The following MACROD2 variants were observed in gnomAD, a reference collection of about 807,000 sequenced individuals.
MACROD2 encodes ADP-ribose glycohydrolase MACROD2.
A neutral mutation model predicts 70.4 loss-of-function variants in MACROD2; 36 were observed. The observed-to-expected ratio is 0.51, with a 90% CI of 0.39 to 0.68. The LOEUF (loss-of-function observed/expected upper bound fraction) is 0.68. MACROD2 is among the 30% of genes least tolerant of loss of function. The probability of loss-of-function intolerance (pLI) is 0.00; values close to 1 mark genes in which losing one functional copy is unlikely to be tolerated. For missense variants in MACROD2, 496 were observed against 538.4 expected, an observed-to-expected ratio of 0.92 and a Z score of 0.78; for synonymous variants, 172 against 178.8, an observed-to-expected ratio of 0.96 and a Z score of 0.30.
At chr20:15,765,974 T>A (rs1189420534) in intron 8 of MACROD2, among the ~76,000 whole-genome samples, 1 of 152,190 alleles carries the variant, frequency 6.6e-6, no homozygotes, top group African/African-American at 2.4e-5. Context: ...AAGAGAGAGA[T>A]AAACTAACTC....
chr20:15,682,225 G>A (rs183620629), intron 8 of MACROD2, among the ~76,000 whole-genome samples: 9 of 152,252 alleles, frequency 5.9e-5, no homozygotes, highest in Admixed American at 3.9e-4. Flanking sequence ...AAAGAGAAAC[G>A]TAAAAGTAGG....
chr20:14,912,918 G>T (rs1259650397), intron 5 of MACROD2, among the ~76,000 whole-genome samples: 1 of 152,160 alleles, frequency 6.6e-6, no homozygotes, highest in Non-Finnish European at 1.5e-5. Flanking sequence ...ATACTCCAGA[G>T]TTTTAGATGG....
At chr20:14,459,027 C>G (rs765738322) in intron 3 of MACROD2, among the ~76,000 whole-genome samples, 74 of 151,876 alleles carry the variant, frequency 4.9e-4, no homozygotes, top group Non-Finnish European at 9.7e-4. Flanking sequence ...ATTATATATA[C>G]CTTTAATCCC....
chr20:15,773,860 A>C (rs941898525), intron 8 of MACROD2, among the ~76,000 whole-genome samples: 1 of 152,134 alleles, frequency 6.6e-6, no homozygotes, highest in African/African-American at 2.4e-5. Flanking sequence ...AAAATAAGGA[A>C]GAAGAAGATG....
At chr20:14,399,298 G>A (rs1384537409) in intron 3 of MACROD2, among the ~76,000 whole-genome samples, 2 of 152,018 alleles carry the variant, frequency 1.3e-5, no homozygotes, top group East Asian at 1.9e-4. Flanking sequence ...CACCGTGCCT[G>A]GCCTGAATGA....
chr20:14,402,942 C>T (rs1028301492), intron 3 of MACROD2, among the ~76,000 whole-genome samples: 1 of 152,040 alleles, frequency 6.6e-6, no homozygotes, highest in African/African-American at 2.4e-5. Flanking sequence ...GTAATAGACT[C>T]AAAGGAATGT....
chr20:15,598,250 T>C (rs558093024), intron 8 of MACROD2, among the ~76,000 whole-genome samples: 1 of 152,338 alleles, frequency 6.6e-6, no homozygotes. Flanking sequence ...TTTTGTGAAA[T>C]ACTGTATCTA....
rs2074497288 is a variant in MACROD2 at position 14,954,014 on chromosome 20, T to C, written c.418+269055T>C. On this transcript the variant is annotated intron_variant, in intron 5 of 17. Coordinates refer to ENST00000684519, the MANE Select transcript of MACROD2 (RefSeq NM_001351661.2). Reference sequence around the variant, plus strand: ...ATTGTTAACCCATTTGGTTTCTAAGTCTTAGGAGATATGCAAATGCTGAAG... The same window carrying C: ...ATTGTTAACCCATTTGGTTTCTAAGCCTTAGGAGATATGCAAATGCTGAAG... Among the ~76,000 whole-genome samples the C allele has an allele frequency of 3.9e-5, 6 of 152,242 alleles. No homozygotes were observed. The South Asian group carries it at 1.2e-3, about 32-fold the overall frequency.
intron 4 of MACROD2, among the ~76,000 whole-genome samples, chr20:14,620,606 G>C (rs1201287779): frequency 6.6e-6 from 1 of 152,076 alleles, no homozygotes; most frequent in Non-Finnish European, 1.5e-5. Context: ...TGGTTCACTT[G>C]ATTAGTGGTA....
At chr20:14,572,800 ACTGGGC>A (rs1980286609) in intron 4 of MACROD2, among the ~76,000 whole-genome samples, 1 of 151,860 alleles carries the variant, frequency 6.6e-6, no homozygotes, top group East Asian at 1.9e-4. Flanking sequence ...ATGAAAATTC[ACTGGGC>A]TGTGTACTTA....
intron 3 of MACROD2, among the ~76,000 whole-genome samples, chr20:14,381,411 GA>G (rs2083419378): frequency 6.6e-6 from 1 of 151,996 alleles, no homozygotes; most frequent in African/African-American, 2.4e-5. Context: ...GATATATCAA[GA>G]AAAAAATTTC....
intron 5 of MACROD2, among the ~76,000 whole-genome samples, chr20:14,923,524 G>A (rs2423849): frequency 0.51 from 77,810 of 151,634 alleles, 20,368 homozygotes; most frequent in South Asian, 0.71. Context: ...CTATTCTTCC[G>A]CAGTTCAAGC....
At chr20:14,737,830 T>C (rs574671291) in intron 5 of MACROD2, among the ~76,000 whole-genome samples, 4 of 152,372 alleles carry the variant, frequency 2.6e-5, no homozygotes, top group Admixed American at 1.3e-4. Flanking sequence ...TTTTAGTTCC[T>C]TGTAGATTCT....
chr20:15,303,897 C>T (rs1442262584), intron 6 of MACROD2, among the ~76,000 whole-genome samples: 1 of 152,124 alleles, frequency 6.6e-6, no homozygotes, highest in Non-Finnish European at 1.5e-5. Flanking sequence ...TTTTCAGAGC[C>T]TCTCACTCTG....
At chr20:14,954,565 ATATAAATG>A (rs973404568) in intron 5 of MACROD2, among the ~76,000 whole-genome samples, 5 of 138,242 alleles carry the variant, frequency 3.6e-5, no homozygotes, top group African/African-American at 1.1e-4. Context: ...AATTATAAAT[ATATAAATG>A]TATAAATTAT....
At chr20:14,978,906 T>TTATATAATATATAAAATA in intron 5 of MACROD2, among the ~76,000 whole-genome samples, 1 of 5,768 alleles carries the variant, frequency 1.7e-4, no homozygotes, top group East Asian at 0.024. Flanking sequence ...ATATAATATA[T>TTATATAATATATAAAATA]TATATATAAT....
At chr20:15,089,325 G>C (rs2075775921) in intron 5 of MACROD2, among the ~76,000 whole-genome samples, 1 of 152,052 alleles carries the variant, frequency 6.6e-6, no homozygotes, top group African/African-American at 2.4e-5. Flanking sequence ...ATGGGAGAAA[G>C]GGTGTCTTTA....
chr20:14,589,456 A>G (rs1981613927), intron 4 of MACROD2, among the ~76,000 whole-genome samples: 1 of 152,116 alleles, frequency 6.6e-6, no homozygotes, highest in East Asian at 1.9e-4. Context: ...ATTGAATTCT[A>G]TTACATTTGG....
At chr20:14,281,877 G>A (rs1392429518) in intron 3 of MACROD2, among the ~76,000 whole-genome samples, 7 of 145,472 alleles carry the variant, frequency 4.8e-5, no homozygotes, top group Non-Finnish European at 1.0e-4. Context: ...GGAGGTTGCA[G>A]TGAGCTGAGA....
Sources: allele counts gnomAD v4.1 joint callset (sites outside exome capture counted in the v4.1 genomes callset), GRCh38; gene constraint gnomAD v4.1.1; transcripts MANE v1.5; gene names NCBI Gene and HGNC (gene_info 2026-07-23, HGNC 2026-07-21).